RIT1: variants seen among roughly 807,000 people sequenced by gnomAD.
RIT1 encodes Ras like without CAAX 1, also known as GTP-binding protein Rit1.
A neutral mutation model predicts 25.6 loss-of-function variants in RIT1; 6 were observed. That is an observed-to-expected ratio of 0.23 (90% CI 0.13 to 0.46). The LOEUF (loss-of-function observed/expected upper bound fraction) is 0.46. Ranked by LOEUF, RIT1 falls within the 20% of genes least tolerant of loss-of-function variation. The pLI is 0.99. For synonymous variants in RIT1, 81 were observed against 94.1 expected (o/e 0.86, Z 0.80); for missense variants, 219 against 284.4 (o/e 0.77, Z 1.65).
chr1:155,903,941 T>C (rs1247864801), intron 5 of RIT1, among the ~76,000 whole-genome samples: 1 of 151,998 alleles, frequency 6.6e-6, no homozygotes, highest in African/African-American at 2.4e-5. Flanking sequence ...GCTGGGGAGG[T>C]AGAGGCTGCA....
At chr1:155,903,544 T>G (rs963463748) in intron 5 of RIT1, among the ~76,000 whole-genome samples, 1 of 151,170 alleles carries the variant, frequency 6.6e-6, no homozygotes, top group African/African-American at 2.4e-5. Context: ...TAGGAGCCCA[T>G]AATTGATACA....
rs12126842 is a variant in RIT1, at chr1:155,902,133, A to G, written c.430-1515T>C. Among the ~76,000 whole-genome samples the G allele has an allele frequency of 5.3e-3, 807 of 152,214 alleles. 2 individuals are homozygous for G. The highest frequency in any genetic ancestry group is 8.8e-3 in the Non-Finnish European group (598 of 68,002). On this transcript the variant is annotated intron_variant, in intron 5 of 5. Transcript: ENST00000368323. The stretch of plus-strand genomic sequence containing the variant: ...ATGTAGCCTCTGGGAAAAAACAAAC[A>G]TGTTACAGTGTTTTTTGTAGATTCT...
In RIT1 at chr1:155,898,509, A is replaced by AT. The variant is rs1557956788; in HGVS notation, c.*1878_*1879insA. 2.6e-5 allele frequency: 3 copies of AT among 114,238 alleles called. No homozygotes were observed. The highest frequency in any genetic ancestry group is 4.2e-4 in the East Asian group (1 of 2,374). 7.1% of individuals were successfully genotyped at this position (114,238 alleles called of 1,614,324 possible). Reference sequence around the variant, plus strand: ...TCTCTATTTAAAAAAAAAAAAAAAAAAAAAAAAAAATATATATATATATAT... The same window carrying AT: ...TCTCTATTTAAAAAAAAAAAAAAAAATAAAAAAAAAATATATATATATATAT... On this transcript the variant is annotated 3_prime_UTR_variant, in exon 6 of 6. Coordinates refer to ENST00000368323, the MANE Select transcript of RIT1 (RefSeq NM_006912.6).
rs759112191 is a variant in RIT1, at chr1:155,899,582, G to A, written c.*806C>T. 4.5e-6 allele frequency: 1 copy of A among 223,544 alleles called. No individual in the cohort carries two copies. The allele number at this position is 223,544 out of a possible 1,614,324, so 13.8% of individuals were successfully genotyped here. On this transcript the variant is annotated 3_prime_UTR_variant, in exon 6 of 6. Coordinates refer to ENST00000368323, the MANE Select transcript of RIT1 (RefSeq NM_006912.6). ...ACAAGGCAATGGCTGATCCAACTAT[G>A]AATTTTGATTAAACACGTTTAGTAA...
At chr1:155,903,291 T>A (rs1673353337) in intron 5 of RIT1, among the ~76,000 whole-genome samples, 2 of 137,230 alleles carry the variant, frequency 1.5e-5, no homozygotes, top group African/African-American at 2.8e-5. Flanking sequence ...CAAGACTCCG[T>A]CTCAAAAAAA....
rs866651936 is a variant in RIT1, at chr1:155,899,990, G to A, written c.*398C>T. 1.2e-5 allele frequency: 3 copies of A among 249,066 alleles called. No homozygotes were observed. In the South Asian group the frequency reaches 3.1e-4, roughly 25 times the overall value. The allele number at this position is 249,066 out of a possible 1,614,324, so 15.4% of individuals were successfully genotyped here. On this transcript the variant is annotated 3_prime_UTR_variant, in exon 6 of 6. Coordinates refer to ENST00000368323, the MANE Select transcript of RIT1 (RefSeq NM_006912.6). ...AAGCATAGTGTGAATAGAAGAGACT[G>A]AGGTCTTTCTCTGGGATAGTCCCAG...
chr1:155,903,377 CAGG>C (rs1390297852), intron 5 of RIT1, among the ~76,000 whole-genome samples: 1 of 141,672 alleles, frequency 7.1e-6, no homozygotes, highest in Non-Finnish European at 1.5e-5. Flanking sequence ...CACTTGAACC[CAGG>C]AGGAGGAGGT....
rs1255428499 is a variant in RIT1 at position 155,899,094 on chromosome 1, T to G, written c.*1294A>C. ...TCTCCGCATATAACAAGGTCAGATA[T>G]CAAAACAGTCCTGATCTTAGACAAC... On this transcript the variant is annotated 3_prime_UTR_variant, in exon 6 of 6. Coordinates refer to ENST00000368323, the MANE Select transcript of RIT1 (RefSeq NM_006912.6). The G allele has an allele frequency of 4.8e-6, 1 of 206,956 alleles. No homozygotes were observed. The highest frequency in any genetic ancestry group is 9.9e-6 in the Non-Finnish European group (1 of 101,250). The allele number at this position is 206,956 out of a possible 1,614,324, so 12.8% of individuals were successfully genotyped here.
In RIT1 at chr1:155,904,319, G is replaced by T; in HGVS notation, c.421C>A (p.Leu141Ile). The part of the protein sequence containing the change: ...LVGNKSDLKQ[L>I]RQVTKEEGLA... ...TTCTTCTCTATCCTCACCTGTCTTA[G>T]CTGTTTGAGGTCTGACTTGTTTCCC... Residue 141 changes from leucine (L) to isoleucine (I), a missense_variant, in exon 5 of 6, where the codon CTA becomes ATA. Around this residue, in one of 3 missense-constraint regions of RIT1, gnomAD observed 7 missense variants for 27.0 expected, o/e 0.26. Transcript: ENST00000368323. The T allele has an allele frequency of 6.2e-7, 1 of 1,608,976 alleles. No homozygotes were observed. Among genetic ancestry groups the T allele is most frequent in the Non-Finnish European group, 8.5e-7 (1 of 1,175,328 alleles).
intron 5 of RIT1, among the ~76,000 whole-genome samples, chr1:155,903,680 G>A (rs1184647406): frequency 1.3e-5 from 2 of 151,996 alleles, no homozygotes; most frequent in Non-Finnish European, 2.9e-5. Context: ...TTCCAATGGA[G>A]ATTAACAGAG....
In RIT1 at chr1:155,900,356, CA is replaced by C. The variant is rs768882363; in HGVS notation, c.*31del. The C allele has an allele frequency of 6.6e-7, 1 of 1,514,546 alleles. No individual in the cohort carries two copies. The highest frequency in any genetic ancestry group is 9.2e-7 in the Non-Finnish European group (1 of 1,091,162). 93.8% of individuals were successfully genotyped at this position (1,514,546 alleles called of 1,614,324 possible). A position where few individuals can be genotyped will look rare whatever the true frequency, so the allele number is the denominator to read the frequency against. On this transcript the variant is annotated 3_prime_UTR_variant, in exon 6 of 6. Coordinates refer to ENST00000368323, the MANE Select transcript of RIT1 (RefSeq NM_006912.6). ...ACTGGACTGCTTTGATACAGCACTG[CA>C]GTTCACAGATAAACACTTCACATCT... is the stretch of plus-strand genomic sequence containing the variant.
chr1:155,906,643 C>T (rs1451053299), intron 3 of RIT1, among the ~76,000 whole-genome samples: 1 of 151,504 alleles, frequency 6.6e-6, no homozygotes, highest in African/African-American at 2.4e-5. Flanking sequence ...CGCCTGTAAT[C>T]CCAGCTACTT....
rs1673294327 is a variant in RIT1 at position 155,900,624 on chromosome 1, A to C, written c.430-6T>G. ...AATCCTTCTTCCTTGGTGACCTTTA[A>C]GGGCAAAATGTGAGAAAAGATAACA... On this transcript the variant is annotated splice_region_variant and splice_polypyrimidine_tract_variant and intron_variant, in intron 5 of 5. Transcript: ENST00000368323. The C allele has an allele frequency of 6.2e-7, 1 of 1,611,694 alleles. No individual in the cohort carries two copies. The highest frequency in any genetic ancestry group is 8.5e-7 in the Non-Finnish European group (1 of 1,178,516).
intron 5 of RIT1, among the ~76,000 whole-genome samples, chr1:155,902,649 C>T (rs1673335757): frequency 1.3e-5 from 2 of 150,452 alleles, no homozygotes; most frequent in South Asian, 4.2e-4. Context: ...CAAGACCAGC[C>T]CGGCCAACAT....
chr1:155,900,262 A>G lies in RIT1; in HGVS notation c.*126T>C, dbSNP rs1557958054. The stretch of plus-strand genomic sequence containing the variant: ...TACTTTAAATACCACATCATTAAAA[A>G]CTCCTAGTAGGCATGTCCCTCTTAT... On this transcript the variant is annotated 3_prime_UTR_variant, in exon 6 of 6. Transcript: ENST00000368323. 1.5e-6 allele frequency: 1 copy of G among 683,064 alleles called. No individual in the cohort carries two copies. Among genetic ancestry groups the G allele is most frequent in the Non-Finnish European group, 2.6e-6 (1 of 391,200 alleles). The allele number at this position is 683,064 out of a possible 1,614,324, so 42.3% of individuals were successfully genotyped here. A position where few individuals can be genotyped will look rare whatever the true frequency, so the allele number is the denominator to read the frequency against.
intron 3 of RIT1, among the ~76,000 whole-genome samples, chr1:155,908,714 C>A (rs1362087224): frequency 6.6e-6 from 1 of 151,506 alleles, no homozygotes; most frequent in Non-Finnish European, 1.5e-5. Flanking sequence ...AGGCACCCAG[C>A]ACCACGCCCG....
At chr1:155,901,151 A>T (rs1673304662) in intron 5 of RIT1, among the ~76,000 whole-genome samples, 1 of 152,154 alleles carries the variant, frequency 6.6e-6, no homozygotes, top group Non-Finnish European at 1.5e-5. Context: ...GGAACAGGGA[A>T]TAGTTTTAGA....
chr1:155,908,219 G>C (rs1673495539), intron 3 of RIT1, among the ~76,000 whole-genome samples: 1 of 151,858 alleles, frequency 6.6e-6, no homozygotes. Flanking sequence ...ACTTTGGGAG[G>C]CCAAGGCAGA....
intron 5 of RIT1, among the ~76,000 whole-genome samples, chr1:155,901,188 C>T (rs1471245591): frequency 6.6e-6 from 1 of 152,114 alleles, no homozygotes; most frequent in Non-Finnish European, 1.5e-5. Flanking sequence ...TTAATTTTCC[C>T]CATACTTTTT....
Sources: allele counts gnomAD v4.1 joint callset (sites outside exome capture counted in the v4.1 genomes callset), GRCh38; gene constraint gnomAD v4.1.1; regional missense constraint gnomAD v4.1.1; transcripts MANE v1.5; gene names NCBI Gene and HGNC (gene_info 2026-07-23, HGNC 2026-07-21).